Variants in ME1 observed in about 807,000 individuals in gnomAD.
The protein encoded by ME1 is malic enzyme 1.
Under a neutral mutation model 66.4 loss-of-function variants are expected in ME1, and 74 were observed. That is an observed-to-expected ratio of 1.11 (90% CI 0.92 to 1.35). The LOEUF is 1.35. ME1 is among the 40% of genes most tolerant of loss of function. ME1 has a pLI of 0.00. For synonymous variants in ME1, 251 were observed against 235.6 expected, an observed-to-expected ratio of 1.07 and a Z score of -0.60; for missense variants, 750 against 694.1, an observed-to-expected ratio of 1.08 and a Z score of -0.90.
At chr6:83,351,422 A>G (rs1256389828) in intron 4 of ME1, among the ~76,000 whole-genome samples, 1 of 152,180 alleles carries the variant, frequency 6.6e-6, no homozygotes, top group Non-Finnish European at 1.5e-5. Flanking sequence ...CACCTCCCTT[A>G]GACAAGGAAG....
At chr6:83,270,123 G>A (rs1767058171) in intron 6 of ME1, among the ~76,000 whole-genome samples, 1 of 152,012 alleles carries the variant, frequency 6.6e-6, no homozygotes. Context: ...AAGGGGTGGG[G>A]TGACCTGTAC....
chr6:83,373,282 C>T (rs532327441), intron 3 of ME1, among the ~76,000 whole-genome samples: 52 of 152,118 alleles, frequency 3.4e-4, no homozygotes, highest in African/African-American at 1.2e-3. Flanking sequence ...ATCGCCCAGG[C>T]TGGAGTGCAG....
chr6:83,216,543 AG>A lies in ME1; in HGVS notation c.1502del (p.Pro501LeufsTer3). The A allele has an allele frequency of 6.2e-7, 1 of 1,611,890 alleles. No individual in the cohort carries two copies. The highest frequency in any genetic ancestry group is 8.5e-7 in the Non-Finnish European group (1 of 1,179,500). The part of the protein sequence containing the change: ...DKHLEEGRLY[P>X]PLNTIRDVSL... ...AAACATCTCTAATGGTATTCAAAGG[AG>A]GATAAAGCCGACCCTCTTCCAAGTG... On this transcript the variant is annotated frameshift_variant, in exon 13 of 14. Transcript: ENST00000369705. LOFTEE classifies it high-confidence loss of function.
chr6:83,395,947 G>A (rs983507469), intron 3 of ME1, among the ~76,000 whole-genome samples: 2 of 151,946 alleles, frequency 1.3e-5, no homozygotes, highest in African/African-American at 4.8e-5. Flanking sequence ...ACAAAAAACT[G>A]TTACAACTAA....
chr6:83,242,753 A>G (rs1473020865), intron 7 of ME1, among the ~76,000 whole-genome samples: 1 of 152,212 alleles, frequency 6.6e-6, no homozygotes, highest in African/African-American at 2.4e-5. Context: ...AAAAAAGGGT[A>G]GCAACAACAT....
intron 5 of ME1, among the ~76,000 whole-genome samples, chr6:83,326,229 C>T (rs1292190339): frequency 6.6e-6 from 1 of 152,086 alleles, no homozygotes; most frequent in South Asian, 2.1e-4. Flanking sequence ...ACAACTTATA[C>T]AAAAATTAAC....
intron 1 of ME1, among the ~76,000 whole-genome samples, chr6:83,409,365 G>A (rs1319780186): frequency 6.6e-6 from 1 of 152,108 alleles, no homozygotes; most frequent in Non-Finnish European, 1.5e-5. Context: ...CTCTGTCCCT[G>A]AAAGCTTCTT....
At chr6:83,351,711 CTT>C (rs1209268276) in intron 4 of ME1, among the ~76,000 whole-genome samples, 1 of 152,152 alleles carries the variant, frequency 6.6e-6, no homozygotes, top group African/African-American at 2.4e-5. Flanking sequence ...AATTAACAGA[CTT>C]TTTTTCTTGC....
At chr6:83,415,575 A>G (rs559451552) in intron 1 of ME1, among the ~76,000 whole-genome samples, 1 of 152,334 alleles carries the variant, frequency 6.6e-6, no homozygotes, top group East Asian at 1.9e-4. Context: ...GGTTCTGTGT[A>G]GTTCTATTTT....
chr6:83,213,354 G>A (rs1583321650), intron 13 of ME1, among the ~76,000 whole-genome samples: 1 of 150,426 alleles, frequency 6.6e-6, no homozygotes, highest in African/African-American at 2.4e-5. Context: ...AACCCGGGAG[G>A]CAGAGGTTGC....
chr6:83,281,052 A>G (rs530648073), intron 6 of ME1, among the ~76,000 whole-genome samples: 2 of 152,364 alleles, frequency 1.3e-5, no homozygotes, highest in South Asian at 4.1e-4. Context: ...CTTTACAAAA[A>G]TATTGAAGAG....
chr6:83,284,736 C>G (rs1767364903), intron 6 of ME1, among the ~76,000 whole-genome samples: 1 of 151,972 alleles, frequency 6.6e-6, no homozygotes, highest in Admixed American at 6.6e-5. Flanking sequence ...AACTTACAGC[C>G]AACATCATAT....
intron 6 of ME1, among the ~76,000 whole-genome samples, chr6:83,257,662 C>G (rs957351256): frequency 7.2e-5 from 11 of 152,142 alleles, no homozygotes; most frequent in Non-Finnish European, 1.3e-4. Context: ...AAAAATGTTA[C>G]TAAAAACTGG....
rs559417987 is a variant in ME1 at position 83,346,972 on chromosome 6, G to A, written c.439-638C>T. On this transcript the variant is annotated intron_variant, in intron 4 of 13. Transcript: ENST00000369705. The stretch of plus-strand genomic sequence containing the variant: ...TCTTTCTTTTTTTTCCCTTTTTTCC[G>A]AGACGGAGTCTTGCTCTGTCACCCA... 8.8e-5 allele frequency among the ~76,000 whole-genome samples: 13 copies of A among 147,002 alleles called. 1 individual carries two copies. The South Asian group carries it at 2.2e-3, about 24-fold the overall frequency.
chr6:83,359,959 A>C (rs1419068977), intron 3 of ME1, among the ~76,000 whole-genome samples: 1 of 152,214 alleles, frequency 6.6e-6, no homozygotes, highest in Non-Finnish European at 1.5e-5. Flanking sequence ...CGTAATAGAG[A>C]GCAGAGGCAA....
chr6:83,235,099 C>T (rs1790374477), intron 9 of ME1, among the ~76,000 whole-genome samples: 1 of 151,996 alleles, frequency 6.6e-6, no homozygotes, highest in Non-Finnish European at 1.5e-5. Flanking sequence ...CCATGGAGAC[C>T]CTAGATAAAC....
intron 6 of ME1, among the ~76,000 whole-genome samples, chr6:83,271,237 G>A (rs1218593402): frequency 2.6e-5 from 4 of 152,038 alleles, no homozygotes; most frequent in Non-Finnish European, 4.4e-5. Flanking sequence ...CAGAAAATTC[G>A]AAAGGGATAA....
At chr6:83,359,797 C>T (rs1768973510) in intron 3 of ME1, among the ~76,000 whole-genome samples, 2 of 152,180 alleles carry the variant, frequency 1.3e-5, no homozygotes, top group African/African-American at 4.8e-5. Flanking sequence ...TTTGAAAAGC[C>T]TTGCACTTGC....
chr6:83,379,749 T>G (rs1472324421), intron 3 of ME1, among the ~76,000 whole-genome samples: 1 of 152,080 alleles, frequency 6.6e-6, no homozygotes, highest in African/African-American at 2.4e-5. Context: ...CAATGATAAT[T>G]TCTGTAATCA....
Sources: allele counts gnomAD v4.1 joint callset (sites outside exome capture counted in the v4.1 genomes callset), GRCh38; gene constraint gnomAD v4.1.1; transcripts MANE v1.5; gene names NCBI Gene and HGNC (gene_info 2026-07-23, HGNC 2026-07-21).